TYW3: variants seen among roughly 807,000 people sequenced by gnomAD.
TYW3 encodes the protein tRNA-yW synthesizing protein 3 homolog.
A neutral mutation model predicts 23.1 loss-of-function variants in TYW3; 26 were observed. The observed-to-expected ratio is 1.13, with a 90% confidence interval of 0.83 to 1.56. TYW3 has a LOEUF of 1.56. Among genes scored for constraint, TYW3 ranks in the 40% most tolerant of loss-of-function variants. The pLI, the probability that TYW3 is intolerant of heterozygous loss-of-function variation, is 0.00. For synonymous variants in TYW3, 102 were observed against 105.7 expected, an observed-to-expected ratio of 0.97 and a Z score of 0.21; for missense variants, 316 against 311.9, an observed-to-expected ratio of 1.01 and a Z score of -0.10.
intron 3 of TYW3, among the ~76,000 whole-genome samples, chr1:74,747,594 G>T (rs981219999): frequency 2.1e-5 from 3 of 145,874 alleles, no homozygotes; most frequent in Non-Finnish European, 3.0e-5. Flanking sequence ...CCGAGATCCC[G>T]CCACTGCACT....
chr1:74,739,957 A>G (rs1354180201), intron 3 of TYW3, among the ~76,000 whole-genome samples: 2 of 152,200 alleles, frequency 1.3e-5, no homozygotes, highest in Admixed American at 6.5e-5. Context: ...AATCAAGGAT[A>G]ACTACTTAGG....
At chr1:74,749,194 C>T (rs938823709) in intron 4 of TYW3, among the ~76,000 whole-genome samples, 1 of 152,132 alleles carries the variant, frequency 6.6e-6, no homozygotes, top group African/African-American at 2.4e-5. Context: ...CTCCTCAGTC[C>T]CTCAGGGTTT....
rs1436640080 is a variant in TYW3, at chr1:74,736,946, G to C, written c.255+324G>C. 1.3e-5 allele frequency among the ~76,000 whole-genome samples: 2 copies of C among 152,200 alleles called. 1 individual carries two copies. ...TGTAACCTAGAACAAATTATGGAAAGAGAAGGGGATTAGCACTATCTCTGT... is the reference window on the plus strand; with the variant it reads ...TGTAACCTAGAACAAATTATGGAAACAGAAGGGGATTAGCACTATCTCTGT... On this transcript the variant is annotated intron_variant, in intron 2 of 5. Transcript: ENST00000370867.
At chr1:74,752,545 A>G in intron 5 of TYW3, 120 bp downstream of exon 5, 4 of 879,692 alleles carry the variant, frequency 4.5e-6, no homozygotes, top group Non-Finnish European at 6.6e-6. Context: ...ATAATTTAAA[A>G]ATACTTTTAT....
rs376097005 is a variant in TYW3 at position 74,751,980 on chromosome 1, G to T, written c.427-312G>T. On this transcript the variant is annotated intron_variant, in intron 4 of 5. Coordinates refer to ENST00000370867, the MANE Select transcript of TYW3 (RefSeq NM_138467.3). The stretch of plus-strand genomic sequence containing the variant: ...GAGGTTTTCTTTCTTTCTTTAAGTC[G>T]TGTATTATGGCTTTCTAAGCTATAG... Among the ~76,000 whole-genome samples, 4 of 152,206 alleles carry T rather than the reference G, an allele frequency of 2.6e-5. No individual in the cohort carries two copies. In the South Asian group the frequency reaches 6.2e-4, roughly 24 times the overall value.
At chr1:74,753,432 G>T (rs1439592431) in intron 5 of TYW3, among the ~76,000 whole-genome samples, 4 of 152,174 alleles carry the variant, frequency 2.6e-5, no homozygotes, top group Non-Finnish European at 5.9e-5. Flanking sequence ...TTAATACTTA[G>T]AACTTTTTTT....
chr1:74,738,522 A>C (rs1420955983), intron 2 of TYW3, among the ~76,000 whole-genome samples, 168 bp from the exon 3 acceptor site: 1 of 152,220 alleles, frequency 6.6e-6, no homozygotes, highest in Non-Finnish European at 1.5e-5. Flanking sequence ...TAAGCAAATA[A>C]ATTTTTGGTG....
At chr1:74,734,698 C>A (rs1447265465) in intron 1 of TYW3, among the ~76,000 whole-genome samples, 2 of 152,164 alleles carry the variant, frequency 1.3e-5, no homozygotes, top group Non-Finnish European at 2.9e-5. Context: ...AAACCACGGG[C>A]TATGTGACCT....
intron 1 of TYW3, 55 bp downstream of exon 1, chr1:74,733,473 G>A: frequency 1.5e-5 from 24 of 1,593,410 alleles, no homozygotes; most frequent in Non-Finnish European, 2.1e-5. Flanking sequence ...AACTTCAGGA[G>A]CCCTGTTCCC....
At position 74,764,107 on chromosome 1, in the gene TYW3, T is replaced by C. The variant is rs778654044; in HGVS notation, c.774T>C (p.Asp258=). 10 of 1,607,534 alleles carry C rather than the reference T, an allele frequency of 6.2e-6. No homozygotes were observed. The highest frequency in any genetic ancestry group is 7.6e-6 in the Non-Finnish European group (9 of 1,178,030). Residue 258 remains aspartate (D), a synonymous_variant, in exon 6 of 6, where the codon GAT becomes GAC. Transcript: ENST00000370867. ...LGINVTIFPE[D]Y Reference sequence around the variant, plus strand: ...TCAATGTTACCATCTTCCCTGAAGATTACTAAGCTTTGGTTCTGATGTGTC... The same window carrying C: ...TCAATGTTACCATCTTCCCTGAAGACTACTAAGCTTTGGTTCTGATGTGTC...
In TYW3 at chr1:74,741,345, C is replaced by T. The variant is rs191900711; in HGVS notation, c.354+2557C>T. 3.3e-5 allele frequency among the ~76,000 whole-genome samples: 5 copies of T among 152,196 alleles called. No homozygotes were observed. In the South Asian group the frequency reaches 6.2e-4, roughly 19 times the overall value. ...AGGAGATGCAAGTCCTCCAATGGTT[C>T]GCAGGTGTATCGAGGCTGGTCTGGC... is the stretch of plus-strand genomic sequence containing the variant. On this transcript the variant is annotated intron_variant, in intron 3 of 5. Coordinates refer to ENST00000370867, the MANE Select transcript of TYW3 (RefSeq NM_138467.3).
chr1:74,739,112 AAG>A (rs1416517735), intron 3 of TYW3, among the ~76,000 whole-genome samples: 2 of 152,324 alleles, frequency 1.3e-5, no homozygotes, highest in Admixed American at 1.3e-4. Flanking sequence ...ATGTAAAATT[AAG>A]AGTTTTAAAG....
intron 1 of TYW3, 43 bp downstream of exon 1, chr1:74,733,461 G>A: frequency 1.2e-6 from 2 of 1,606,696 alleles, no homozygotes; most frequent in Non-Finnish European, 1.7e-6. Context: ...CTTCTAGTGC[G>A]AAACTTCAGG....
At position 74,733,292 on chromosome 1, in the gene TYW3, C is replaced by T. The variant is rs758650343; in HGVS notation, c.48C>T (p.Ser16=). 6.2e-7 allele frequency: 1 copy of T among 1,614,092 alleles called. No homozygotes were observed. The highest frequency in any genetic ancestry group is 1.3e-5 in the African/African-American group (1 of 75,048). ...EFRKWKAQCL[S]KADLSRKGSV... ...GGAAATGGAAGGCGCAATGTTTGAGCAAAGCGGACCTCAGCCGGAAGGGCA... is the reference window on the plus strand; with the variant it reads ...GGAAATGGAAGGCGCAATGTTTGAGTAAAGCGGACCTCAGCCGGAAGGGCA... Residue 16 remains serine (S), a synonymous_variant, in exon 1 of 6, where the codon AGC becomes AGT. Transcript: ENST00000370867.
chr1:74,734,886 T>A (rs1288698984), intron 1 of TYW3, among the ~76,000 whole-genome samples: 1 of 152,250 alleles, frequency 6.6e-6, no homozygotes, highest in Non-Finnish European at 1.5e-5. Flanking sequence ...TTCGTAGTAT[T>A]GGCTTAAGAG....
chr1:74,747,486 A>G (rs1359514641), intron 3 of TYW3, among the ~76,000 whole-genome samples: 1 of 151,200 alleles, frequency 6.6e-6, no homozygotes, highest in Non-Finnish European at 1.5e-5. Flanking sequence ...AAATACAAAA[A>G]ATTAGCTGGG....
chr1:74,748,711 C>T, intron 3 of TYW3, 40 bp from the exon 4 acceptor site: 1 of 1,569,136 alleles, frequency 6.4e-7, no homozygotes, highest in Non-Finnish European at 8.8e-7. Flanking sequence ...GATCTGGTTA[C>T]CCACAGTATC....
rs1320427633 is a variant in TYW3, at chr1:74,738,103, CA to C, written c.256-586del. Among the ~76,000 whole-genome samples the C allele has an allele frequency of 5.1e-5, 7 of 137,090 alleles. No individual in the cohort carries two copies. In the South Asian group the frequency reaches 1.0e-3, roughly 20 times the overall value. The allele number at this position is 137,090 out of a possible 152,430, so 89.9% of individuals were successfully genotyped here. A position where few individuals can be genotyped will look rare whatever the true frequency, so the allele number is the denominator to read the frequency against. The stretch of plus-strand genomic sequence containing the variant: ...GAGATAGCAAAAACAAACAAGTGAA[CA>C]GGGAAAAAAAAACAAACAAAAAAAC... On this transcript the variant is annotated intron_variant, in intron 2 of 5. Coordinates refer to ENST00000370867, the MANE Select transcript of TYW3 (RefSeq NM_138467.3).
At chr1:74,733,583 T>TA (rs2100749255) in intron 1 of TYW3, 165 bp downstream of exon 1, 1 of 981,988 alleles carries the variant, frequency 1.0e-6, no homozygotes, top group East Asian at 1.1e-4. Context: ...TCAGTGCTTC[T>TA]AAAAGTTTAA....
Sources: allele counts gnomAD v4.1 joint callset (sites outside exome capture counted in the v4.1 genomes callset), GRCh38; gene constraint gnomAD v4.1.1; transcripts MANE v1.5; gene names NCBI Gene and HGNC (gene_info 2026-07-23, HGNC 2026-07-21).